The following PHIP variants were observed in gnomAD, a reference collection of about 807,000 sequenced individuals.
PHIP encodes PH-interacting protein.
PHIP carries 54 observed loss-of-function variants against 236.8 expected under a neutral mutation model. The observed-to-expected ratio is 0.23, with a 90% CI of 0.18 to 0.29. The LOEUF is 0.29. Among genes scored for constraint, PHIP ranks in the 10% least tolerant of loss-of-function variants. The pLI, the probability that PHIP is intolerant of heterozygous loss-of-function variation, is 1.00. For missense variants in PHIP, 1,370 were observed against 2,190.8 expected (o/e 0.63, Z 7.48); for synonymous variants, 756 against 718.9 (o/e 1.05, Z -0.83).
intron 29 of PHIP, among the ~76,000 whole-genome samples, chr6:78,965,449 GTAAT>G (rs1344377755): frequency 4.5e-4 from 69 of 152,288 alleles, no homozygotes; most frequent in African/African-American, 1.5e-3. Flanking sequence ...TGGGTGAATA[GTAAT>G]TAATAAAACA....
intron 36 of PHIP, 49 bp from the exon 37 acceptor site, chr6:78,946,923 C>T: frequency 8.4e-7 from 1 of 1,183,866 alleles, no homozygotes; most frequent in Non-Finnish European, 1.2e-6. Flanking sequence ...AGGAAAATAC[C>T]TTTGTTCAGT....
At chr6:78,989,689 G>C (rs72902881) in intron 20 of PHIP, among the ~76,000 whole-genome samples, 10,589 of 151,978 alleles carry the variant, frequency 0.07, 464 homozygotes, top group Non-Finnish European at 0.091. Flanking sequence ...TTCTTAAAAA[G>C]TCCTCAAAGT....
intron 4 of PHIP, 129 bp from the exon 5 acceptor site, chr6:79,060,947 C>A: frequency 1.8e-6 from 1 of 568,188 alleles, no homozygotes; most frequent in Non-Finnish European, 3.0e-6. Context: ...TAAAGTAAAT[C>A]TCCAGAATAA....
intron 4 of PHIP, among the ~76,000 whole-genome samples, chr6:79,062,935 C>A (rs1773449721): frequency 1.3e-5 from 2 of 152,178 alleles, no homozygotes; most frequent in African/African-American, 2.4e-5. Context: ...CCTTTTTGGA[C>A]ACTTTGTGTT....
intron 23 of PHIP, 135 bp downstream of exon 23, chr6:78,982,751 C>T (rs1371253794): frequency 7.2e-6 from 4 of 556,362 alleles, no homozygotes; most frequent in Non-Finnish European, 3.1e-6. Flanking sequence ...TTTTTTACTA[C>T]TGTGTATTTC....
intron 20 of PHIP, among the ~76,000 whole-genome samples, chr6:78,988,866 A>AT (rs1464784357): frequency 1.3e-5 from 2 of 152,200 alleles, no homozygotes; most frequent in Non-Finnish European, 2.9e-5. Flanking sequence ...GCTATGAGGC[A>AT]TATGTAATAG....
chr6:79,075,669 CGAG>C lies in PHIP; in HGVS notation c.189+1776_189+1778del, dbSNP rs201771655. 6.1e-3 allele frequency among the ~76,000 whole-genome samples: 880 copies of C among 143,556 alleles called. 4 individuals are homozygous for C. The highest frequency in any genetic ancestry group is 0.021 in the African/African-American group (810 of 38,682). 94.2% of individuals were successfully genotyped at this position (143,556 alleles called of 152,430 possible). On this transcript the variant is annotated intron_variant, in intron 4 of 39. Coordinates refer to ENST00000275034, the MANE Select transcript of PHIP (RefSeq NM_017934.7). ...ACAAAAAAACAAAATGATATTCCTA[CGAG>C]GATTAGCCATTACCATAATTTAGCC...
intron 23 of PHIP, among the ~76,000 whole-genome samples, chr6:78,979,112 C>T (rs1768332251): frequency 6.6e-6 from 1 of 151,972 alleles, no homozygotes; most frequent in Admixed American, 6.6e-5. Flanking sequence ...CTTGAACATC[C>T]CTGGATTTTG....
chr6:79,076,110 T>C (rs1384447653), intron 4 of PHIP, among the ~76,000 whole-genome samples: 2 of 152,230 alleles, frequency 1.3e-5, no homozygotes, highest in Admixed American at 1.3e-4. Flanking sequence ...ATTAGATGTA[T>C]TAAACCTCAG....
chr6:78,963,330 C>A lies in PHIP; in HGVS notation c.3380-78G>T, dbSNP rs1473606772. On this transcript the variant is annotated intron_variant, in intron 29 of 39. Transcript: ENST00000275034. Reference sequence around the variant, plus strand: ...GGTTAGCTTTAGAATGTAAAAATAACAGTCACAAAATTAAAGTATATTTTG... The same window carrying A: ...GGTTAGCTTTAGAATGTAAAAATAAAAGTCACAAAATTAAAGTATATTTTG... 8 of 1,121,840 alleles carry A rather than the reference C, an allele frequency of 7.1e-6. No homozygotes were observed. The South Asian group carries it at 1.1e-4, about 15-fold the overall frequency. The allele number at this position is 1,121,840 out of a possible 1,614,324, so 69.5% of individuals were successfully genotyped here.
chr6:78,945,488 T>C lies in PHIP; in HGVS notation c.4640A>G (p.Asn1547Ser). The C allele has an allele frequency of 6.3e-7, 1 of 1,596,866 alleles. No individual in the cohort carries two copies. Among genetic ancestry groups the C allele is most frequent in the South Asian group, 1.1e-5 (1 of 90,642 alleles). ...CAAAGCTTTGGAATGTTTCACAGAA[T>C]TCTCTAGTACTAAAACATACAAACA... Reference protein sequence around the residue: ...SAIPGKTILENSVKHSKALNT... With the variant: ...SAIPGKTILESSVKHSKALNT... The change falls in exon 39 of 40, where the codon AAT becomes AGT. Residue 1547 changes from asparagine to serine, a missense_variant. Physicochemically the swap from Asn to Ser is conservative, Grantham distance 46. Transcript: ENST00000275034.
At chr6:78,969,724 A>G in intron 27 of PHIP, 111 bp downstream of exon 27, 1 of 550,484 alleles carries the variant, frequency 1.8e-6, no homozygotes, top group Non-Finnish European at 3.1e-6. Flanking sequence ...TCCTACAAAT[A>G]GCAAAAAGAT....
At chr6:79,046,813 T>C (rs919890990) in intron 6 of PHIP, among the ~76,000 whole-genome samples, 2 of 149,892 alleles carry the variant, frequency 1.3e-5, no homozygotes, top group East Asian at 2.0e-4. Context: ...GAGACGGAGG[T>C]TGCCATAAGT....
chr6:78,959,015 T>C (rs1192863145), intron 31 of PHIP, among the ~76,000 whole-genome samples: 1 of 152,142 alleles, frequency 6.6e-6, no homozygotes, highest in Non-Finnish European at 1.5e-5. Flanking sequence ...CTAATTATCT[T>C]ACTGGTAATC....
intron 6 of PHIP, among the ~76,000 whole-genome samples, chr6:79,054,114 A>T (rs1212558384): frequency 1.4e-5 from 2 of 139,796 alleles, no homozygotes; most frequent in East Asian, 2.0e-4. Flanking sequence ...TTATTTCCCT[A>T]AAAAAAAAAA....
chr6:78,990,345 C>T (rs1298373684), intron 20 of PHIP, among the ~76,000 whole-genome samples: 3 of 152,258 alleles, frequency 2.0e-5, no homozygotes, highest in African/African-American at 7.2e-5. Flanking sequence ...TAGGCCATGA[C>T]CAATTGAAAT....
At chr6:78,975,359 T>C (rs1767968877) in intron 24 of PHIP, among the ~76,000 whole-genome samples, 1 of 152,210 alleles carries the variant, frequency 6.6e-6, no homozygotes, top group African/African-American at 2.4e-5. Flanking sequence ...AATTAGGTAT[T>C]GATGGGACAT....
intron 36 of PHIP, 90 bp downstream of exon 36, chr6:78,947,533 G>T: frequency 1.6e-6 from 1 of 627,338 alleles, no homozygotes; most frequent in Non-Finnish European, 2.7e-6. Context: ...AGTTAACTTT[G>T]ACCTAAATTT....
At chr6:79,025,260 TA>T (rs1365909227) in intron 9 of PHIP, among the ~76,000 whole-genome samples, 6 of 150,674 alleles carry the variant, frequency 4.0e-5, no homozygotes, top group Admixed American at 1.3e-4. Context: ...GGAGTGGTAA[TA>T]AAACAGGTAA....
Sources: allele counts gnomAD v4.1 joint callset (sites outside exome capture counted in the v4.1 genomes callset), GRCh38; gene constraint gnomAD v4.1.1; transcripts MANE v1.5; gene names NCBI Gene and HGNC (gene_info 2026-07-23, HGNC 2026-07-21).